Variants in DIPK2A observed in about 807,000 individuals in gnomAD.
DIPK2A encodes the protein Golgi Protein of 49 kDa.
Under a neutral mutation model 39.0 loss-of-function variants are expected in DIPK2A, and 27 were observed. That is an observed-to-expected ratio of 0.69 (90% CI 0.51 to 0.96). The LOEUF (loss-of-function observed/expected upper bound fraction) is 0.96, where lower values mean the gene tolerates loss of function less well. Among genes scored for constraint, DIPK2A ranks in the 40% least tolerant of loss-of-function variants. The pLI is 0.00. For missense variants in DIPK2A, 528 were observed against 571.3 expected (o/e 0.92, Z 0.77); for synonymous variants, 298 against 240.8 (o/e 1.24, Z -2.20).
chr3:143,972,028 C>T lies in DIPK2A; in HGVS notation c.-305C>T, dbSNP rs2087653632. 6.0e-6 allele frequency: 2 copies of T among 332,262 alleles called. No homozygotes were observed. The highest frequency in any genetic ancestry group is 1.5e-4 in the South Asian group (1 of 6,568). The allele number at this position is 332,262 out of a possible 1,614,324, so 20.6% of individuals were successfully genotyped here. On this transcript the variant is annotated 5_prime_UTR_variant, in exon 1 of 3. Coordinates refer to ENST00000315691, the MANE Select transcript of DIPK2A (RefSeq NM_173552.5). The stretch of plus-strand genomic sequence containing the variant: ...ACCGTCGGGTCCCCGCGCTCCCTCC[C>T]CCTCCCGCTCCTCTATAACTTGGCT...
chr3:143,973,744 C>A, intron 1 of DIPK2A: 1 of 606,316 alleles, frequency 1.6e-6, no homozygotes, highest in Non-Finnish European at 3.0e-6. Flanking sequence ...TAGGCCAGGG[C>A]GAGTATCAGG....
intron 1 of DIPK2A, 93 bp from the exon 2 acceptor site, chr3:143,985,450 T>C: frequency 1.8e-6 from 2 of 1,087,120 alleles, no homozygotes; most frequent in Non-Finnish European, 2.7e-6. Flanking sequence ...TCCAAAGTCA[T>C]TCCTAGTAGC....
Position 143,989,535 on chromosome 3 carries a change from G to A in DIPK2A, c.987G>A (p.Trp329Ter), listed in dbSNP as rs777400750. 1.2e-6 allele frequency: 2 copies of A among 1,613,350 alleles called. No individual in the cohort carries two copies. Among genetic ancestry groups the A allele is most frequent in the Non-Finnish European group, 1.7e-6 (2 of 1,179,392 alleles). Residue 329 changes from tryptophan (W) to a stop codon, truncating the protein, a stop_gained, in exon 3 of 3, where the codon TGG (tryptophan) becomes TGA (stop). Transcript: ENST00000315691. LOFTEE classifies it high-confidence loss of function. ...RQNKPENWDV[W>*]YESKFDDCDK... is the part of the protein sequence containing the mutation. ...ATAAACCTGAAAATTGGGATGTATG[G>A]TATGAAAGCAAGTTTGATGACTGTG...
In DIPK2A at chr3:143,972,206, C is replaced by T. The variant is rs941098519; in HGVS notation, c.-127C>T. 1.1e-6 allele frequency: 1 copy of T among 870,302 alleles called. No individual in the cohort carries two copies. Among genetic ancestry groups the T allele is most frequent in the Non-Finnish European group, 1.6e-6 (1 of 629,050 alleles). The allele number at this position is 870,302 out of a possible 1,614,324, so 53.9% of individuals were successfully genotyped here. ...TCCTCTCTCACACACCTACTCCGCC[C>T]TCCGCCCCAGCCCGCGCGCTAGCTC... On this transcript the variant is annotated 5_prime_UTR_variant, in exon 1 of 3. Coordinates refer to ENST00000315691, the MANE Select transcript of DIPK2A (RefSeq NM_173552.5).
intron 1 of DIPK2A, among the ~76,000 whole-genome samples, chr3:143,980,400 T>A (rs1043812963): frequency 2.0e-5 from 3 of 152,146 alleles, no homozygotes; most frequent in African/African-American, 7.2e-5. Context: ...CCCGAGTAGC[T>A]GGGATTACAG....
At chr3:143,978,691 T>G (rs551871256) in intron 1 of DIPK2A, among the ~76,000 whole-genome samples, 1,898 of 133,218 alleles carry the variant, frequency 0.014, 19 homozygotes, top group Non-Finnish European at 0.022. Flanking sequence ...TCTATATATA[T>G]ATATATATAT....
In DIPK2A at chr3:143,989,827, A is replaced by G. The variant is rs2087954910; in HGVS notation, c.1279A>G (p.Asn427Asp). 1.2e-6 allele frequency: 2 copies of G among 1,612,546 alleles called. No individual in the cohort carries two copies. The highest frequency in any genetic ancestry group is 1.7e-6 in the Non-Finnish European group (2 of 1,178,772). ...ELREYLAQLSNNVR is the reference protein window; with the variant it reads ...ELREYLAQLSDNVR ...GCGTGAATACCTAGCACAATTAAGT[A>G]ACAACGTGAGGTAGTCTATGGTGAA... Residue 427 changes from asparagine to aspartate, a missense_variant, in exon 3 of 3, where the codon AAC (asparagine) becomes GAC (aspartate). Transcript: ENST00000315691.
chr3:143,981,340 C>T (rs2087826375), intron 1 of DIPK2A, among the ~76,000 whole-genome samples: 2 of 152,116 alleles, frequency 1.3e-5, no homozygotes, highest in South Asian at 2.1e-4. Context: ...TTCTATAAGT[C>T]CCAACATGAT....
rs1270146710 is a variant in DIPK2A, at chr3:143,991,858, T to G, written c.*2017T>G. 6.6e-6 allele frequency: 1 copy of G among 152,218 alleles called. No homozygotes were observed. The highest frequency in any genetic ancestry group is 1.5e-5 in the Non-Finnish European group (1 of 68,022). 9.4% of individuals were successfully genotyped at this position (152,218 alleles called of 1,614,324 possible). On this transcript the variant is annotated 3_prime_UTR_variant, in exon 3 of 3. Coordinates refer to ENST00000315691, the MANE Select transcript of DIPK2A (RefSeq NM_173552.5). ...CTTATAATACCAGTCACAAAGAGGTTGTCTGTCTATGGTTTAGCAAACATT... is the reference window on the plus strand; with the variant it reads ...CTTATAATACCAGTCACAAAGAGGTGGTCTGTCTATGGTTTAGCAAACATT...
intron 1 of DIPK2A, among the ~76,000 whole-genome samples, chr3:143,979,775 G>A (rs1423827383): frequency 1.3e-5 from 2 of 152,138 alleles, no homozygotes; most frequent in Non-Finnish European, 2.9e-5. Context: ...TTTTTAAAAT[G>A]TGTTTTGACA....
intron 1 of DIPK2A, chr3:143,973,634 A>G: frequency 8.0e-7 from 1 of 1,246,352 alleles, no homozygotes; most frequent in Non-Finnish European, 1.1e-6. Context: ...GCAGCGTTGG[A>G]CTTGGGGCTG....
chr3:143,973,165 G>A (rs2107837495), intron 1 of DIPK2A, 176 bp downstream of exon 1: 4 of 1,057,928 alleles, frequency 3.8e-6, no homozygotes, highest in Admixed American at 2.0e-5. Flanking sequence ...CAGGGAGGCC[G>A]AGGGCGACCC....
At chr3:143,984,798 C>CTGGGA (rs1021366521) in intron 1 of DIPK2A, among the ~76,000 whole-genome samples, 7 of 151,992 alleles carry the variant, frequency 4.6e-5, no homozygotes, top group African/African-American at 1.7e-4. Context: ...GAAAATATGG[C>CTGGGA]TGGGAAAGGG....
In DIPK2A at chr3:143,985,647, T is replaced by C. The variant is rs781319896; in HGVS notation, c.762T>C (p.Asn254=). 7 of 1,614,154 alleles carry C rather than the reference T, an allele frequency of 4.3e-6. No homozygotes were observed. The highest frequency in any genetic ancestry group is 1.7e-5 in the Admixed American group (1 of 60,038). The change falls in exon 2 of 3, where the codon AAT becomes AAC. Residue 254 remains asparagine, a synonymous_variant. Transcript: ENST00000315691. ...GAGAAGAACTGTGGAGTTACTTTAA[T>C]GCGCCATGGGAAAAACGAGTTGACC... The part of the protein sequence containing the change: ...YVGEELWSYF[N]APWEKRVDLA...
At chr3:143,986,060 T>C in intron 2 of DIPK2A, 1 of 543,626 alleles carries the variant, frequency 1.8e-6, no homozygotes, top group Non-Finnish European at 3.2e-6. Context: ...TTGAAAATAT[T>C]GTTATTTGAA....
rs2087994918 is a variant in DIPK2A, at chr3:143,991,980, C to A, written c.*2139C>A. On this transcript the variant is annotated 3_prime_UTR_variant, in exon 3 of 3. Coordinates refer to ENST00000315691, the MANE Select transcript of DIPK2A (RefSeq NM_173552.5). ...TACTTGAGGTAGTTTTTTACAACTACCATTTCCCCTCCATGAAATTATGTG... is the reference window on the plus strand; with the variant it reads ...TACTTGAGGTAGTTTTTTACAACTAACATTTCCCCTCCATGAAATTATGTG... 6.6e-6 allele frequency: 1 copy of A among 152,368 alleles called. No homozygotes were observed. 9.4% of individuals were successfully genotyped at this position (152,368 alleles called of 1,614,324 possible).
At chr3:143,978,682 CTATATATA>C (rs1156833163) in intron 1 of DIPK2A, among the ~76,000 whole-genome samples, 10 of 56,192 alleles carry the variant, frequency 1.8e-4, no homozygotes, top group Non-Finnish European at 3.7e-4. Flanking sequence ...ATATATATAT[CTATATATA>C]TATATATATA....
chr3:143,987,183 G>A (rs929035515), intron 2 of DIPK2A, among the ~76,000 whole-genome samples: 3 of 152,154 alleles, frequency 2.0e-5, no homozygotes, highest in Non-Finnish European at 4.4e-5. Flanking sequence ...TTGTAGCAGC[G>A]TATACTATTC....
intron 1 of DIPK2A, among the ~76,000 whole-genome samples, chr3:143,981,606 T>C (rs755959031): frequency 1.7e-4 from 26 of 152,182 alleles, no homozygotes; most frequent in Admixed American, 1.6e-3. Flanking sequence ...AATGCTCTTA[T>C]GTAATATATA....
Sources: allele counts gnomAD v4.1 joint callset (sites outside exome capture counted in the v4.1 genomes callset), GRCh38; gene constraint gnomAD v4.1.1; transcripts MANE v1.5; gene names NCBI Gene and HGNC (gene_info 2026-07-23, HGNC 2026-07-21).